MDGA2: variants seen among roughly 807,000 people sequenced by gnomAD.
MDGA2 encodes the protein MAM domain containing glycosylphosphatidylinositol anchor 2.
MDGA2 carries 40 observed loss-of-function variants against 117.8 expected under a neutral mutation model. The ratio of observed to expected loss-of-function variants is 0.34; its 90% CI spans 0.26 to 0.44. MDGA2 has a LOEUF of 0.44. MDGA2 is among the 20% of genes least tolerant of loss of function. MDGA2 has a pLI of 1.00. For synonymous variants in MDGA2, 452 were observed against 439.0 expected (o/e 1.03, Z -0.37); for missense variants, 1,123 against 1,250.6 (o/e 0.90, Z 1.54).
At chr14:47,102,389 ACACAAACACAC>A (rs1566625102) in intron 5 of MDGA2, among the ~76,000 whole-genome samples, 12 of 148,338 alleles carry the variant, frequency 8.1e-5, no homozygotes, top group Admixed American at 2.7e-4. Context: ...ACACACACAC[ACACAAACACAC>A]ACACACACAC....
At chr14:47,612,837 G>C (rs1896877394) in intron 1 of MDGA2, among the ~76,000 whole-genome samples, 1 of 152,082 alleles carries the variant, frequency 6.6e-6, no homozygotes, top group East Asian at 1.9e-4. Flanking sequence ...TTTAAAATAT[G>C]GTACTTATTG....
chr14:47,573,918 T>C lies in MDGA2; in HGVS notation c.280+100599A>G, dbSNP rs147458434. Among the ~76,000 whole-genome samples, 64 of 151,690 alleles carry C rather than the reference T, an allele frequency of 4.2e-4. 2 individuals carry two copies. The highest frequency in any genetic ancestry group is 1.4e-3 in the African/African-American group (56 of 41,402). ...GTAGAGAGTAAAACTTCAAAGTTAA[T>C]AGAAAAAAAAAATACTTTCAATTCT... is the stretch of plus-strand genomic sequence containing the variant. On this transcript the variant is annotated intron_variant, in intron 1 of 16. Coordinates refer to ENST00000399232, the MANE Select transcript of MDGA2 (RefSeq NM_001113498.3).
At chr14:46,864,578 T>A in intron 14 of MDGA2, among the ~76,000 whole-genome samples, 2 of 92,624 alleles carry the variant, frequency 2.2e-5, no homozygotes, top group Admixed American at 1.5e-4. Flanking sequence ...TTTTTACAAA[T>A]TAAAGGTTTG....
chr14:47,249,024 T>G (rs1398550267), intron 2 of MDGA2, among the ~76,000 whole-genome samples: 3 of 91,156 alleles, frequency 3.3e-5, no homozygotes, highest in African/African-American at 6.3e-5. Flanking sequence ...GTTGTTGTTG[T>G]TGTTTTTTGT....
At chr14:47,161,970 G>A (rs1883657795) in intron 3 of MDGA2, among the ~76,000 whole-genome samples, 1 of 34,372 alleles carries the variant, frequency 2.9e-5, no homozygotes, top group East Asian at 1.1e-3. Context: ...TTTTTTTGAG[G>A]AGTCTTGTTC....
chr14:47,467,315 G>T (rs1166346834), intron 1 of MDGA2, among the ~76,000 whole-genome samples: 1 of 152,076 alleles, frequency 6.6e-6, no homozygotes, highest in Non-Finnish European at 1.5e-5. Context: ...ATGCTAGAAT[G>T]CAAACTGCAT....
At chr14:47,600,607 A>G (rs1896630080) in intron 1 of MDGA2, among the ~76,000 whole-genome samples, 4 of 151,948 alleles carry the variant, frequency 2.6e-5, no homozygotes, top group South Asian at 4.2e-4. Context: ...TATGCTGTTG[A>G]GATAAAAGGA....
At chr14:46,931,651 T>C (rs1194062362) in intron 9 of MDGA2, among the ~76,000 whole-genome samples, 1 of 151,542 alleles carries the variant, frequency 6.6e-6, no homozygotes, top group East Asian at 1.9e-4. Flanking sequence ...GCCTCCTGAG[T>C]AGCGGGGACT....
At chr14:47,384,128 C>T (rs1009492638) in intron 1 of MDGA2, among the ~76,000 whole-genome samples, 2 of 151,818 alleles carry the variant, frequency 1.3e-5, no homozygotes, top group African/African-American at 4.8e-5. Context: ...AAAATATATC[C>T]AGAGGCTTAC....
chr14:47,660,310 GA>G (rs1227961171), intron 1 of MDGA2, among the ~76,000 whole-genome samples: 35 of 152,128 alleles, frequency 2.3e-4, no homozygotes, highest in African/African-American at 8.0e-4. Context: ...GTTCTCTCTT[GA>G]AATGGTTTCC....
rs184254281 is a variant in MDGA2, at chr14:47,072,190, C to T, written c.1196-10612G>A. 1.0e-4 allele frequency among the ~76,000 whole-genome samples: 15 copies of T among 149,728 alleles called. No individual in the cohort carries two copies. In the East Asian group the frequency reaches 1.6e-3, roughly 16 times the overall value. On this transcript the variant is annotated intron_variant, in intron 6 of 16. Coordinates refer to ENST00000399232, the MANE Select transcript of MDGA2 (RefSeq NM_001113498.3). ...TAACTGATAAGAAATAAGAGTCACA[C>T]GTTCTAAGAAAGGAGAAAAGCCAAA... is the stretch of plus-strand genomic sequence containing the variant.
At chr14:46,911,287 A>T (rs552712391) in intron 10 of MDGA2, among the ~76,000 whole-genome samples, 264 of 152,320 alleles carry the variant, frequency 1.7e-3, no homozygotes, top group Non-Finnish European at 1.9e-3. Flanking sequence ...AACATCAATG[A>T]TATTTTGCAT....
chr14:47,018,601 T>C (rs1888166212), intron 8 of MDGA2, among the ~76,000 whole-genome samples: 1 of 151,754 alleles, frequency 6.6e-6, no homozygotes, highest in Non-Finnish European at 1.5e-5. Context: ...GATAGCAAAG[T>C]AGATACTGAG....
chr14:47,003,889 AT>A (rs1377031930), intron 8 of MDGA2, among the ~76,000 whole-genome samples: 1 of 151,988 alleles, frequency 6.6e-6, no homozygotes, highest in East Asian at 1.9e-4. Flanking sequence ...GTGACCTCAG[AT>A]TAAGCAAAGA....
At position 47,149,173 on chromosome 14, in the gene MDGA2, C is replaced by A. The variant is rs192525391; in HGVS notation, c.596-4899G>T. On this transcript the variant is annotated intron_variant, in intron 3 of 16. Transcript: ENST00000399232. ...GGCATGGTGGCAGGCACCTATAGTC[C>A]CAGCTAGTCAGGACGCTGAGGCAGG... Among the ~76,000 whole-genome samples the A allele has an allele frequency of 2.7e-3, 406 of 152,096 alleles. 7 individuals are homozygous for A. The highest frequency in any genetic ancestry group is 6.5e-4 in the Non-Finnish European group (44 of 68,008).
intron 3 of MDGA2, among the ~76,000 whole-genome samples, chr14:47,172,739 C>T (rs554810664): frequency 1.2e-4 from 18 of 152,278 alleles, no homozygotes; most frequent in South Asian, 4.1e-4. Context: ...AAAAGCAGAG[C>T]GCCTCTCCTC....
At chr14:47,589,327 G>T (rs1434256791) in intron 1 of MDGA2, among the ~76,000 whole-genome samples, 2 of 151,872 alleles carry the variant, frequency 1.3e-5, no homozygotes, top group Non-Finnish European at 2.9e-5. Context: ...TTACATTTAG[G>T]TCTATAATTC....
chr14:46,915,743 G>A (rs961784544), intron 10 of MDGA2, among the ~76,000 whole-genome samples: 5 of 152,098 alleles, frequency 3.3e-5, no homozygotes, highest in Admixed American at 6.6e-5. Context: ...GAAGCAAAGC[G>A]GCAGGAGGCA....
At chr14:47,303,799 C>T (rs1201219540) in intron 1 of MDGA2, among the ~76,000 whole-genome samples, 2 of 152,028 alleles carry the variant, frequency 1.3e-5, no homozygotes, top group East Asian at 3.9e-4. Flanking sequence ...GACATGACAT[C>T]CTTTCCAGAC....
Sources: allele counts gnomAD v4.1 joint callset (sites outside exome capture counted in the v4.1 genomes callset), GRCh38; gene constraint gnomAD v4.1.1; transcripts MANE v1.5; gene names NCBI Gene and HGNC (gene_info 2026-07-23, HGNC 2026-07-21).